LINGO2: variants seen among roughly 807,000 people sequenced by gnomAD.
LINGO2 encodes leucine rich repeat and Ig domain containing 2.
LINGO2 carries 14 observed loss-of-function variants against 30.6 expected under a neutral mutation model. That is an observed-to-expected ratio of 0.46 (90% CI 0.30 to 0.72). The LOEUF (loss-of-function observed/expected upper bound fraction) is 0.72, where lower values mean the gene tolerates loss of function less well. Ranked by LOEUF, LINGO2 falls within the 30% of genes least tolerant of loss-of-function variation. The pLI is 0.07. For synonymous variants in LINGO2, 317 were observed against 288.5 expected, an observed-to-expected ratio of 1.10 and a Z score of -1.00; for missense variants, 729 against 751.7, an observed-to-expected ratio of 0.97 and a Z score of 0.35.
intron 4 of LINGO2, among the ~76,000 whole-genome samples, chr9:28,077,851 T>C (rs1313759493): frequency 6.7e-6 from 1 of 148,884 alleles, no homozygotes; most frequent in Non-Finnish European, 1.5e-5. Flanking sequence ...CTCAATCTAA[T>C]AACCTCATGC....
the LINGO2 span, among the ~76,000 whole-genome samples, chr9:28,894,619 G>T: frequency 6.6e-6 from 1 of 151,566 alleles, no homozygotes; most frequent in Non-Finnish European, 1.5e-5. Flanking sequence ...AGAAGCAATA[G>T]TATTTTTTGC....
At chr9:28,689,357 C>G in the LINGO2 span, among the ~76,000 whole-genome samples, 1 of 151,834 alleles carries the variant, frequency 6.6e-6, no homozygotes, top group Non-Finnish European at 1.5e-5. Context: ...TTTTAGCCTC[C>G]AGGTAAAAAA....
At chr9:28,662,104 AT>A (rs1341172047) in intron 1 of LINGO2, among the ~76,000 whole-genome samples, 1 of 152,152 alleles carries the variant, frequency 6.6e-6, no homozygotes, top group Non-Finnish European at 1.5e-5. Flanking sequence ...AATTAATTAG[AT>A]GTTGAACTTC....
intron 5 of LINGO2, among the ~76,000 whole-genome samples, chr9:28,006,186 C>T (rs1003683530): frequency 1.4e-4 from 21 of 152,176 alleles, no homozygotes; most frequent in African/African-American, 5.1e-4. Context: ...GGGGAGATAA[C>T]ATTTCTTGCA....
chr9:28,944,623 C>T, the LINGO2 span, among the ~76,000 whole-genome samples: 4 of 152,150 alleles, frequency 2.6e-5, no homozygotes, highest in African/African-American at 9.6e-5. Flanking sequence ...CCAGGCTGGT[C>T]TAGAACTCCT....
intron 5 of LINGO2, among the ~76,000 whole-genome samples, chr9:27,966,236 G>A (rs1022250348): frequency 1.5e-4 from 23 of 152,092 alleles, no homozygotes; most frequent in African/African-American, 5.1e-4. Flanking sequence ...GTTAAAGTCT[G>A]TTAAGTATTT....
chr9:28,506,526 T>A (rs1820147274), intron 1 of LINGO2, among the ~76,000 whole-genome samples: 1 of 28,926 alleles, frequency 3.5e-5, no homozygotes, highest in African/African-American at 8.8e-5. Context: ...ATATATAAAC[T>A]GTTGGGGACT....
chr9:28,179,296 T>C (rs1472471627), intron 4 of LINGO2, among the ~76,000 whole-genome samples: 2 of 145,770 alleles, frequency 1.4e-5, no homozygotes, highest in Non-Finnish European at 3.0e-5. Context: ...ATACCATATA[T>C]AGTATTTTAT....
the LINGO2 span, among the ~76,000 whole-genome samples, chr9:29,016,860 C>T: frequency 6.6e-6 from 1 of 152,164 alleles, no homozygotes; most frequent in Non-Finnish European, 1.5e-5. Context: ...AGAAGATCAT[C>T]TTTAGAGGCT....
the LINGO2 span, among the ~76,000 whole-genome samples, chr9:28,897,508 G>A: frequency 2.6e-3 from 393 of 152,144 alleles, 2 homozygotes; most frequent in African/African-American, 8.8e-3. Flanking sequence ...GCTATCTCTT[G>A]TCACCTTCTC....
At chr9:28,098,477 G>T (rs756983320) in intron 4 of LINGO2, among the ~76,000 whole-genome samples, 7 of 152,086 alleles carry the variant, frequency 4.6e-5, no homozygotes, top group South Asian at 2.1e-4. Flanking sequence ...AATTTGGCTT[G>T]CTGTCTGCTT....
chr9:28,648,194 T>G (rs1827930043), intron 1 of LINGO2, among the ~76,000 whole-genome samples: 1 of 152,096 alleles, frequency 6.6e-6, no homozygotes, highest in Non-Finnish European at 1.5e-5. Context: ...TTACATAAAT[T>G]TAGTTCAGGT....
intron 4 of LINGO2, among the ~76,000 whole-genome samples, chr9:28,286,184 T>C (rs868708160): frequency 3.9e-5 from 6 of 152,214 alleles, no homozygotes; most frequent in South Asian, 2.1e-4. Flanking sequence ...TAGCATTATC[T>C]GACAATGGAC....
At chr9:28,738,307 T>C in the LINGO2 span, among the ~76,000 whole-genome samples, 1 of 152,048 alleles carries the variant, frequency 6.6e-6, no homozygotes, top group Non-Finnish European at 1.5e-5. Context: ...CTTTTCTCCC[T>C]CTCTCTCTTT....
chr9:29,074,678 C>CTTTTTTTT, the LINGO2 span, among the ~76,000 whole-genome samples: 4 of 88,006 alleles, frequency 4.5e-5, no homozygotes, highest in African/African-American at 1.1e-4. Context: ...AAATTACTTA[C>CTTTTTTTT]TTTTTTTTTT....
chr9:28,931,748 C>T, the LINGO2 span, among the ~76,000 whole-genome samples: 1 of 152,092 alleles, frequency 6.6e-6, no homozygotes, highest in Admixed American at 6.5e-5. Context: ...ACTTCAAATG[C>T]AAAATGTATT....
the LINGO2 span, among the ~76,000 whole-genome samples, chr9:28,995,426 T>C: frequency 3.3e-5 from 5 of 152,260 alleles, no homozygotes; most frequent in African/African-American, 1.2e-4. Context: ...CTGGTGGGAC[T>C]GTAAACTAGT....
At chr9:28,355,333 GTCTCTCTCTCTC>G (rs372527860) in intron 3 of LINGO2, among the ~76,000 whole-genome samples, 40 of 63,830 alleles carry the variant, frequency 6.3e-4, no homozygotes, top group Non-Finnish European at 1.0e-3. Flanking sequence ...CTCTGTCTCT[GTCTCTCTCTCTC>G]TCTCTCTCTC....
At chr9:29,031,582 T>C in the LINGO2 span, among the ~76,000 whole-genome samples, 1 of 152,184 alleles carries the variant, frequency 6.6e-6, no homozygotes, top group Admixed American at 6.6e-5. Flanking sequence ...CGCACCCAGC[T>C]GGTGGTAATG....
Sources: gnomAD v4.1 joint callset for allele counts (sites outside exome capture counted in the v4.1 genomes callset) on GRCh38, gnomAD v4.1.1 for gene constraint, MANE v1.5 for transcripts, NCBI Gene and HGNC (gene_info 2026-07-23, HGNC 2026-07-21) for gene names.